Variants in GABRB3 observed in about 807,000 individuals in gnomAD.
GABRB3 encodes gamma-aminobutyric acid receptor subunit beta-3.
A neutral mutation model predicts 52.1 loss-of-function variants in GABRB3; 14 were observed. That is an observed-to-expected ratio of 0.27 (90% CI 0.18 to 0.42). GABRB3 has a LOEUF of 0.42. Among genes scored for constraint, GABRB3 ranks in the 10% least tolerant of loss-of-function variants. The probability of loss-of-function intolerance (pLI) is 1.00; values close to 1 mark genes in which losing one functional copy is unlikely to be tolerated. For synonymous variants in GABRB3, 260 were observed against 232.3 expected, an observed-to-expected ratio of 1.12 and a Z score of -1.08; for missense variants, 307 against 609.1, an observed-to-expected ratio of 0.50 and a Z score of 5.22.
Position 26,660,797 on chromosome 15 carries a change from A to G in GABRB3, c.241-39263T>C, listed in dbSNP as rs138041710. On this transcript the variant is annotated intron_variant, in intron 3 of 8. Transcript: ENST00000311550. ...TTAAAGTGAGATGCCAAGTGCCCAC[A>G]TCTGGAAATTATAATGAATTATAAA... is the stretch of plus-strand genomic sequence containing the variant. Among the ~76,000 whole-genome samples the G allele has an allele frequency of 1.2e-4, 18 of 152,318 alleles. No individual in the cohort carries two copies. In the East Asian group the frequency reaches 3.3e-3, roughly 28 times the overall value.
chr15:26,575,888 C>T (rs1595452842), intron 6 of GABRB3, among the ~76,000 whole-genome samples: 1 of 152,156 alleles, frequency 6.6e-6, no homozygotes, highest in Admixed American at 6.5e-5. Context: ...AAGAGAAAGA[C>T]AAACAGCACA....
intron 3 of GABRB3, among the ~76,000 whole-genome samples, chr15:26,672,750 T>C (rs1887938236): frequency 6.6e-6 from 1 of 152,206 alleles, no homozygotes; most frequent in Admixed American, 6.5e-5. Context: ...ATGATGGGAA[T>C]GTCTGTGGGC....
intron 3 of GABRB3, among the ~76,000 whole-genome samples, chr15:26,690,938 G>A (rs765552832): frequency 1.3e-5 from 2 of 151,422 alleles, no homozygotes; most frequent in Admixed American, 1.3e-4. Context: ...CTGGCCAATC[G>A]CATTTGTTCT....
intron 8 of GABRB3, among the ~76,000 whole-genome samples, chr15:26,554,161 G>GTGTATATA (rs1555400843): frequency 9.4e-5 from 2 of 21,246 alleles, no homozygotes; most frequent in African/African-American, 2.0e-4. Context: ...TATATATAAA[G>GTGTATATA]TATATATATA....
chr15:26,552,848 G>A (rs1039582932), intron 8 of GABRB3, among the ~76,000 whole-genome samples: 1 of 152,110 alleles, frequency 6.6e-6, no homozygotes, highest in African/African-American at 2.4e-5. Context: ...GGCCTGGGAG[G>A]GGGGTTCAAC....
intron 6 of GABRB3, among the ~76,000 whole-genome samples, chr15:26,570,605 G>A (rs1265311849): frequency 6.6e-6 from 1 of 152,110 alleles, no homozygotes; most frequent in Non-Finnish European, 1.5e-5. Flanking sequence ...CCATGTTTCT[G>A]CATTAAGTAT....
intron 3 of GABRB3, among the ~76,000 whole-genome samples, chr15:26,712,837 C>A (rs1820514961): frequency 6.6e-6 from 1 of 152,126 alleles, no homozygotes; most frequent in African/African-American, 2.4e-5. Flanking sequence ...GATATCGTGG[C>A]CGGAGCAGAG....
chr15:26,557,524 T>G (rs1889801473), intron 8 of GABRB3: 1 of 152,236 alleles, frequency 6.6e-6, no homozygotes, highest in African/African-American at 2.4e-5. Context: ...TGTTCCTTTC[T>G]TTCATCCACA....
intron 3 of GABRB3, chr15:26,624,263 C>T (rs1373985583): frequency 4.1e-6 from 4 of 985,642 alleles, no homozygotes; most frequent in Non-Finnish European, 4.8e-6. Flanking sequence ...TGTGGTTTCA[C>T]AACAAAAGGA....
At chr15:26,632,065 G>T (rs565890322) in intron 3 of GABRB3, among the ~76,000 whole-genome samples, 4 of 152,202 alleles carry the variant, frequency 2.6e-5, no homozygotes, top group Admixed American at 2.6e-4. Context: ...TCTCAAGTTG[G>T]CCTCCTACTG....
chr15:26,567,600 A>G lies in GABRB3; in HGVS notation c.816T>C (p.Ser272=). 6.2e-7 allele frequency: 1 copy of G among 1,613,902 alleles called. No homozygotes were observed. The highest frequency in any genetic ancestry group is 1.3e-5 in the African/African-American group (1 of 75,070). ...ACATACCGAGGGCAACTCTAGCAGCAGATGCATCATAATTGATCCAGAAGG... is the reference window on the plus strand; with the variant it reads ...ACATACCGAGGGCAACTCTAGCAGCGGATGCATCATAATTGATCCAGAAGG... ...WVSFWINYDA[S]AARVALGITT... Residue 272 remains serine, a synonymous_variant, in exon 7 of 9, where the codon TCT becomes TCC. Transcript: ENST00000311550.
chr15:26,688,688 A>T (rs529119406), intron 3 of GABRB3, among the ~76,000 whole-genome samples: 6 of 152,278 alleles, frequency 3.9e-5, no homozygotes, highest in African/African-American at 1.4e-4. Flanking sequence ...CATTCACTGC[A>T]TTGGTTCTAT....
At chr15:26,558,587 T>C (rs891437685) in intron 8 of GABRB3, among the ~76,000 whole-genome samples, 2 of 152,104 alleles carry the variant, frequency 1.3e-5, no homozygotes, top group African/African-American at 4.8e-5. Context: ...TATTAGGCCA[T>C]TCTCTCATTG....
rs1458136676 is a variant in GABRB3 at position 26,628,857 on chromosome 15, G to T, written c.241-7323C>A. 1.9e-5 allele frequency: 20 copies of T among 1,035,948 alleles called. No homozygotes were observed. In the Admixed American group the frequency reaches 2.7e-4, roughly 14 times the overall value. The allele number at this position is 1,035,948 out of a possible 1,614,324, so 64.2% of individuals were successfully genotyped here. A position where few individuals can be genotyped will look rare whatever the true frequency, so the allele number is the denominator to read the frequency against. Reference sequence around the variant, plus strand: ...AGGGGGCCAGCAGAGGCCTGAAACGGCAGTCCTCAAACGGAGGCTCTCAGG... The same window carrying T: ...AGGGGGCCAGCAGAGGCCTGAAACGTCAGTCCTCAAACGGAGGCTCTCAGG... On this transcript the variant is annotated intron_variant, in intron 3 of 8. Coordinates refer to ENST00000311550, the MANE Select transcript of GABRB3 (RefSeq NM_000814.6).
At chr15:26,650,580 A>G (rs907520253) in intron 3 of GABRB3, among the ~76,000 whole-genome samples, 4 of 152,002 alleles carry the variant, frequency 2.6e-5, no homozygotes, top group African/African-American at 4.8e-5. Flanking sequence ...GCTGAAGACA[A>G]TTTAAAGCCT....
At chr15:26,666,233 A>T (rs917374291) in intron 3 of GABRB3, among the ~76,000 whole-genome samples, 2 of 152,194 alleles carry the variant, frequency 1.3e-5, no homozygotes, top group African/African-American at 4.8e-5. Context: ...CCTTCATTCT[A>T]CCCAAGTACC....
chr15:26,554,177 T>A (rs1476948474), intron 8 of GABRB3, among the ~76,000 whole-genome samples: 13 of 8,650 alleles, frequency 1.5e-3, no homozygotes, highest in Non-Finnish European at 2.4e-3. Flanking sequence ...ATATATAAAG[T>A]ATATATATAT....
chr15:26,720,793 C>T (rs955170499), intron 3 of GABRB3, among the ~76,000 whole-genome samples: 9 of 152,114 alleles, frequency 5.9e-5, no homozygotes, highest in African/African-American at 9.7e-5. Flanking sequence ...GGTTGAAGGA[C>T]GAACTGCTGA....
At position 26,772,998 on chromosome 15, in the gene GABRB3, C is replaced by CCCG; in HGVS notation, c.-39_-37dup. On this transcript the variant is annotated 5_prime_UTR_variant, in exon 1 of 9. Transcript: ENST00000311550. ...CGCCCCGGCACGGGGGAGGGGGCGCCCCGCCGCCGTCGCGACCCGCAGCCG... is the reference window on the plus strand; with the variant it reads ...CGCCCCGGCACGGGGGAGGGGGCGCCCCGCCGCCGCCGTCGCGACCCGCAGCCG... The CCCG allele has an allele frequency of 7.5e-7, 1 of 1,334,766 alleles. No homozygotes were observed. The highest frequency in any genetic ancestry group is 9.7e-7 in the Non-Finnish European group (1 of 1,032,564). The allele number at this position is 1,334,766 out of a possible 1,614,324, so 82.7% of individuals were successfully genotyped here.
Sources: allele counts gnomAD v4.1 joint callset (sites outside exome capture counted in the v4.1 genomes callset), GRCh38; gene constraint gnomAD v4.1.1; transcripts MANE v1.5; gene names NCBI Gene and HGNC (gene_info 2026-07-23, HGNC 2026-07-21).